The following CTNNA3 variants were observed in gnomAD, a reference collection of about 807,000 sequenced individuals.
The protein encoded by CTNNA3 is catenin alpha 3.
In CTNNA3, 76 loss-of-function variants were observed where a neutral mutation model predicts 95.7. The ratio of observed to expected loss-of-function variants is 0.79; its 90% CI spans 0.66 to 0.96. The LOEUF (loss-of-function observed/expected upper bound fraction) is 0.96. CTNNA3 is among the 40% of genes least tolerant of loss of function. The pLI is 0.00. For synonymous variants in CTNNA3, 431 were observed against 374.4 expected, an observed-to-expected ratio of 1.15 and a Z score of -1.74; for missense variants, 1,191 against 1,089.8, an observed-to-expected ratio of 1.09 and a Z score of -1.31.
chr10:66,002,794 C>T (rs900375134), intron 15 of CTNNA3, among the ~76,000 whole-genome samples: 1 of 152,152 alleles, frequency 6.6e-6, no homozygotes, highest in Non-Finnish European at 1.5e-5. Context: ...CACTCCCACC[C>T]ATATTCCAGA....
chr10:66,201,838 G>C (rs1419495862), intron 13 of CTNNA3, among the ~76,000 whole-genome samples: 1 of 130,682 alleles, frequency 7.7e-6, no homozygotes, highest in Non-Finnish European at 1.6e-5. Flanking sequence ...GCCCAGGCTA[G>C]AGTGCAGTGG....
intron 7 of CTNNA3, among the ~76,000 whole-genome samples, chr10:67,122,144 C>A (rs746023386): frequency 6.6e-6 from 1 of 151,872 alleles, no homozygotes. Flanking sequence ...CTATAGATAG[C>A]GTCTTTCCTA....
chr10:66,915,952 T>A (rs1488472871), intron 7 of CTNNA3, among the ~76,000 whole-genome samples: 1 of 152,046 alleles, frequency 6.6e-6, no homozygotes, highest in African/African-American at 2.4e-5. Context: ...TTTCACCATG[T>A]TGGCCAGGAT....
chr10:65,933,791 C>G (rs1481300962), intron 17 of CTNNA3, among the ~76,000 whole-genome samples: 1 of 152,122 alleles, frequency 6.6e-6, no homozygotes, highest in Non-Finnish European at 1.5e-5. Context: ...CCCATTTTTC[C>G]TTGATAATGA....
intron 6 of CTNNA3, among the ~76,000 whole-genome samples, chr10:67,187,119 A>T (rs1014581044): frequency 3.9e-5 from 6 of 152,184 alleles, no homozygotes; most frequent in African/African-American, 1.4e-4. Flanking sequence ...GACTTTAAGT[A>T]ACTTACCCAA....
At chr10:67,349,126 C>T (rs535456489) in intron 5 of CTNNA3, among the ~76,000 whole-genome samples, 6 of 152,140 alleles carry the variant, frequency 3.9e-5, no homozygotes, top group South Asian at 2.1e-4. Context: ...ATGGTATGGC[C>T]GCTATGGAAA....
chr10:66,009,498 T>C (rs577375845), intron 15 of CTNNA3, among the ~76,000 whole-genome samples: 1 of 152,264 alleles, frequency 6.6e-6, no homozygotes, highest in African/African-American at 2.4e-5. Flanking sequence ...CTGGGAAGGC[T>C]ACAATGTTTA....
intron 5 of CTNNA3, among the ~76,000 whole-genome samples, chr10:67,291,808 G>T (rs1253443667): frequency 1.3e-5 from 2 of 152,092 alleles, no homozygotes; most frequent in African/African-American, 4.8e-5. Flanking sequence ...AGAGACCAAG[G>T]GAAAACTCCT....
rs185255945 is a variant in CTNNA3 at position 66,764,247 on chromosome 10, G to T, written c.1281+2017C>A. 4.4e-4 allele frequency among the ~76,000 whole-genome samples: 67 copies of T among 152,156 alleles called. 1 individual carries two copies. Among genetic ancestry groups the T allele is most frequent in the Admixed American group, 7.2e-4 (11 of 15,258 alleles). On this transcript the variant is annotated intron_variant, in intron 9 of 17. Transcript: ENST00000433211. Reference sequence around the variant, plus strand: ...GATTTTATTCTTTCAAAATTCACATGGAATGCAGAATTTCCAAAATTCTTG... The same window carrying T: ...GATTTTATTCTTTCAAAATTCACATTGAATGCAGAATTTCCAAAATTCTTG...
At chr10:67,224,800 A>T (rs1479305517) in intron 5 of CTNNA3, among the ~76,000 whole-genome samples, 1 of 152,026 alleles carries the variant, frequency 6.6e-6, no homozygotes, top group African/African-American at 2.4e-5. Context: ...GGGTTGGGGG[A>T]GGGGGAAGCA....
intron 7 of CTNNA3, among the ~76,000 whole-genome samples, chr10:66,953,784 A>AT (rs533911839): frequency 6.6e-6 from 1 of 152,216 alleles, no homozygotes; most frequent in African/African-American, 2.4e-5. Context: ...TATAAGTTTT[A>AT]TTTTTTTAAA....
chr10:67,682,899 C>T (rs972120584), intron 1 of CTNNA3, among the ~76,000 whole-genome samples: 5 of 152,186 alleles, frequency 3.3e-5, no homozygotes, highest in African/African-American at 4.8e-5. Context: ...CACGACAAAG[C>T]TGCTGGAAAG....
At chr10:67,218,821 C>T (rs1864510333) in intron 6 of CTNNA3, among the ~76,000 whole-genome samples, 1 of 152,218 alleles carries the variant, frequency 6.6e-6, no homozygotes, top group South Asian at 2.1e-4. Context: ...CAGTTCCTCT[C>T]ATTGTTCTCC....
At chr10:66,411,974 C>T (rs531290815) in intron 11 of CTNNA3, among the ~76,000 whole-genome samples, 151 of 152,252 alleles carry the variant, frequency 9.9e-4, no homozygotes, top group African/African-American at 3.5e-3. Flanking sequence ...GATGACCTAT[C>T]CCCATCTCCG....
chr10:65,938,408 C>CA (rs200605657), intron 17 of CTNNA3, among the ~76,000 whole-genome samples: 3,648 of 149,746 alleles, frequency 0.024, 111 homozygotes, highest in Admixed American at 0.075. Context: ...AGAAAGATGA[C>CA]AAAAAAAAAT....
chr10:66,262,085 A>G (rs1235710194), intron 13 of CTNNA3, among the ~76,000 whole-genome samples: 1 of 151,998 alleles, frequency 6.6e-6, no homozygotes. Context: ...TGGTTACTTG[A>G]TTGTGATAAC....
At chr10:66,116,637 A>G (rs946552452) in intron 13 of CTNNA3, among the ~76,000 whole-genome samples, 2 of 152,204 alleles carry the variant, frequency 1.3e-5, no homozygotes, top group Non-Finnish European at 2.9e-5. Context: ...CACATACTGT[A>G]TGTATTAGTC....
chr10:67,484,974 A>G (rs764965594), intron 5 of CTNNA3, among the ~76,000 whole-genome samples: 2 of 152,128 alleles, frequency 1.3e-5, no homozygotes, highest in Non-Finnish European at 2.9e-5. Flanking sequence ...TGAGTATATA[A>G]CCAAAAGAAA....
intron 5 of CTNNA3, among the ~76,000 whole-genome samples, chr10:67,327,045 C>T (rs2616706): frequency 0.86 from 131,155 of 152,174 alleles, 58,057 homozygotes; most frequent in Non-Finnish European, 0.96. Flanking sequence ...CACTATGAAA[C>T]TCTTGTAGTG....
Sources: allele counts gnomAD v4.1 joint callset (sites outside exome capture counted in the v4.1 genomes callset), GRCh38; gene constraint gnomAD v4.1.1; transcripts MANE v1.5; gene names NCBI Gene and HGNC (gene_info 2026-07-23, HGNC 2026-07-21).